The following RBM27 variants were observed in gnomAD, a reference collection of about 807,000 sequenced individuals.
The protein encoded by RBM27 is RNA-binding protein 27.
Under a neutral mutation model 135.3 loss-of-function variants are expected in RBM27, and 22 were observed. The ratio of observed to expected loss-of-function variants is 0.16; its 90% CI spans 0.12 to 0.23. The LOEUF is 0.23. Among genes scored for constraint, RBM27 ranks in the 10% least tolerant of loss-of-function variants. The pLI, the probability that RBM27 is intolerant of heterozygous loss-of-function variation, is 1.00. For synonymous variants in RBM27, 481 were observed against 442.4 expected, an observed-to-expected ratio of 1.09 and a Z score of -1.10; for missense variants, 1,009 against 1,281.0, an observed-to-expected ratio of 0.79 and a Z score of 3.24.
rs1395371776 is a variant in RBM27, at chr5:146,271,459, A to C, written c.2797-24A>C. 17 of 1,576,876 alleles carry C rather than the reference A, an allele frequency of 1.1e-5. No homozygotes were observed. In the East Asian group the frequency reaches 3.8e-4, roughly 35 times the overall value. ...GGTTTAGTCTAATAATGTATGCTAC[A>C]TTCTACTTTTTGTTGTTATTCAGGC... On this transcript the variant is annotated intron_variant, in intron 18 of 20. Transcript: ENST00000265271.
chr5:146,267,479 CAA>C (rs1445519253), intron 14 of RBM27, among the ~76,000 whole-genome samples, 168 bp from the exon 15 acceptor site: 1 of 151,834 alleles, frequency 6.6e-6, no homozygotes, highest in African/African-American at 2.4e-5. Context: ...TTTTGGGTGA[CAA>C]ATTTATGCAT....
chr5:146,257,917 A>C (rs1048771482), intron 10 of RBM27, among the ~76,000 whole-genome samples: 1 of 152,064 alleles, frequency 6.6e-6, no homozygotes, highest in Non-Finnish European at 1.5e-5. Flanking sequence ...CCTGGGTTCA[A>C]GCGATTCTCC....
rs753344973 is a variant in RBM27, at chr5:146,271,439, A to G, written c.2797-44A>G. 20 of 1,418,670 alleles carry G rather than the reference A, an allele frequency of 1.4e-5. No homozygotes were observed. In the Admixed American group the frequency reaches 4.1e-4, roughly 29 times the overall value. 87.9% of individuals were successfully genotyped at this position (1,418,670 alleles called of 1,614,324 possible). ...AAGTTTTCCTTTGTTTTTAAGGTTTAGTCTAATAATGTATGCTACATTCTA... is the reference window on the plus strand; with the variant it reads ...AAGTTTTCCTTTGTTTTTAAGGTTTGGTCTAATAATGTATGCTACATTCTA... On this transcript the variant is annotated intron_variant, in intron 18 of 20. Coordinates refer to ENST00000265271, the MANE Select transcript of RBM27 (RefSeq NM_018989.2).
chr5:146,252,199 A>G (rs1370936978), intron 9 of RBM27, among the ~76,000 whole-genome samples: 1 of 152,236 alleles, frequency 6.6e-6, no homozygotes, highest in African/African-American at 2.4e-5. Flanking sequence ...AATTAGTTAT[A>G]CACTGTAATA....
At position 146,260,935 on chromosome 5, in the gene RBM27, T is replaced by G. The variant is rs374033631; in HGVS notation, c.1893+37T>G. The G allele has an allele frequency of 4.6e-5, 72 of 1,568,130 alleles. No homozygotes were observed. The African/African-American group carries it at 9.7e-4, about 21-fold the overall frequency. On this transcript the variant is annotated intron_variant, in intron 12 of 20. Coordinates refer to ENST00000265271, the MANE Select transcript of RBM27 (RefSeq NM_018989.2). ...TATGTCAGTGACAGAATCCAGGCAT[T>G]TTATGGGTCTTGGGAATATTTCTAT...
In RBM27 at chr5:146,263,641, T is replaced by C; in HGVS notation, c.2331+10T>C. 6.2e-7 allele frequency: 1 copy of C among 1,612,778 alleles called. No homozygotes were observed. Among genetic ancestry groups the C allele is most frequent in the African/African-American group, 1.3e-5 (1 of 74,974 alleles). Reference sequence around the variant, plus strand: ...TGGAGAAGATTGCCAGGTATGCATTTTTGGGAGCTTCAGATATATTTAGAA... The same window carrying C: ...TGGAGAAGATTGCCAGGTATGCATTCTTGGGAGCTTCAGATATATTTAGAA... On this transcript the variant is annotated intron_variant, in intron 14 of 20. Coordinates refer to ENST00000265271, the MANE Select transcript of RBM27 (RefSeq NM_018989.2).
rs142383277 is a variant in RBM27, at chr5:146,234,255, G to T, written c.1144+512G>T. 2.7e-3 allele frequency among the ~76,000 whole-genome samples: 418 copies of T among 152,204 alleles called. 2 individuals carry two copies. The highest frequency in any genetic ancestry group is 0.01 in the Middle Eastern group (3 of 294). Reference sequence around the variant, plus strand: ...CAGTCTTTAAGGAAAATCTCTTCAAGAATATTGAAATAATATTAAAAAAAT... The same window carrying T: ...CAGTCTTTAAGGAAAATCTCTTCAATAATATTGAAATAATATTAAAAAAAT... On this transcript the variant is annotated intron_variant, in intron 7 of 20. Transcript: ENST00000265271.
At chr5:146,255,176 T>C in intron 10 of RBM27, 84 bp downstream of exon 10, 1 of 1,271,798 alleles carries the variant, frequency 7.9e-7, no homozygotes, top group Admixed American at 2.5e-5. Flanking sequence ...CTGGCCTAGC[T>C]TGAGGAAATT....
In RBM27 at chr5:146,269,407, A is replaced by G. The variant is rs142104294; in HGVS notation, c.2527-13A>G. The G allele has an allele frequency of 5.0e-3, 7,600 of 1,532,064 alleles. 52 individuals carry two copies. Among genetic ancestry groups the G allele is most frequent in the South Asian group, 6.0e-3 (470 of 78,510 alleles). The allele number at this position is 1,532,064 out of a possible 1,614,324, so 94.9% of individuals were successfully genotyped here. On this transcript the variant is annotated splice_polypyrimidine_tract_variant and intron_variant, in intron 16 of 20. Coordinates refer to ENST00000265271, the MANE Select transcript of RBM27 (RefSeq NM_018989.2). ...ATTAAGCATGGTTTTACCTTTTTCT[A>G]TTTATTTCGTAGATGTTAATATCCA...
intron 19 of RBM27, among the ~76,000 whole-genome samples, chr5:146,277,442 G>C (rs1382651805): frequency 1.3e-5 from 2 of 151,760 alleles, no homozygotes; most frequent in Non-Finnish European, 2.9e-5. Flanking sequence ...GATGAGTTAG[G>C]TAGGTTGTTT....
chr5:146,272,311 A>T (rs995416378), intron 19 of RBM27, among the ~76,000 whole-genome samples: 1 of 152,248 alleles, frequency 6.6e-6, no homozygotes, highest in African/African-American at 2.4e-5. Flanking sequence ...TGTGAACACC[A>T]CAAGTTAAAA....
intron 5 of RBM27, 130 bp from the exon 6 acceptor site, chr5:146,230,527 A>G: frequency 1.0e-6 from 1 of 958,306 alleles, no homozygotes; most frequent in African/African-American, 1.7e-5. Context: ...AGAGAGGAGT[A>G]TGAAATATGG....
chr5:146,266,683 C>CCTA (rs1476222959), intron 14 of RBM27, among the ~76,000 whole-genome samples: 6 of 152,122 alleles, frequency 3.9e-5, no homozygotes, highest in African/African-American at 1.4e-4. Context: ...CACCTCTAAT[C>CCTA]CTAGCACTTT....
intron 8 of RBM27, among the ~76,000 whole-genome samples, chr5:146,250,738 G>C (rs1490514361): frequency 7.2e-6 from 1 of 139,740 alleles, no homozygotes; most frequent in Non-Finnish European, 1.5e-5. Flanking sequence ...GTCCAGTGCT[G>C]TGCTGGTCTG....
chr5:146,222,210 TTAG>T (rs1238841036), intron 2 of RBM27, among the ~76,000 whole-genome samples: 2 of 152,168 alleles, frequency 1.3e-5, no homozygotes, highest in Admixed American at 1.3e-4. Flanking sequence ...ACTACACAAA[TTAG>T]TAGTGTAAAG....
chr5:146,208,251 G>C (rs981090844), intron 1 of RBM27, among the ~76,000 whole-genome samples: 1 of 152,168 alleles, frequency 6.6e-6, no homozygotes, highest in African/African-American at 2.4e-5. Flanking sequence ...ACTGCGCCCG[G>C]CCAACAGGAG....
chr5:146,271,400 C>CAA (rs372110410), intron 18 of RBM27, 83 bp from the exon 19 acceptor site: 2,126 of 1,006,734 alleles, frequency 2.1e-3, no homozygotes, highest in South Asian at 2.4e-3. Flanking sequence ...AATTCCATCT[C>CAA]AAAAAAAAAA....
In RBM27 at chr5:146,271,653, A is replaced by G; in HGVS notation, c.2967A>G (p.Glu989=). 1.2e-6 allele frequency: 2 copies of G among 1,613,344 alleles called. No individual in the cohort carries two copies. Among genetic ancestry groups the G allele is most frequent in the Non-Finnish European group, 8.5e-7 (1 of 1,179,560 alleles). Residue 989 remains glutamate, a synonymous_variant, in exon 19 of 21, where the codon GAA becomes GAG. Transcript: ENST00000265271. ...GAGGATTCATTGAGGAAGAAAAAGA[A>G]GACTTGCTTCAGCATTTCTCAGTAA... The part of the protein sequence containing the change: ...TVGGFIEEEK[E]DLLQHFSTAN...
chr5:146,221,090 G>C (rs975334747), intron 2 of RBM27, among the ~76,000 whole-genome samples: 18 of 151,622 alleles, frequency 1.2e-4, no homozygotes, highest in African/African-American at 4.1e-4. Flanking sequence ...GCATGGTGGT[G>C]GGCGCCTGTA....
Sources: gnomAD v4.1 joint callset for allele counts (sites outside exome capture counted in the v4.1 genomes callset) on GRCh38, gnomAD v4.1.1 for gene constraint, MANE v1.5 for transcripts, NCBI Gene and HGNC (gene_info 2026-07-23, HGNC 2026-07-21) for gene names.